ATXN7: variants seen among roughly 807,000 people sequenced by gnomAD.
ATXN7 encodes the protein ataxin-7.
A neutral mutation model predicts 70.5 loss-of-function variants in ATXN7; 12 were observed. The ratio of observed to expected loss-of-function variants is 0.17; its 90% CI spans 0.11 to 0.28. The LOEUF is 0.28. Among genes scored for constraint, ATXN7 ranks in the 10% least tolerant of loss-of-function variants. The pLI, the probability that ATXN7 is intolerant of heterozygous loss-of-function variation, is 1.00. For synonymous variants in ATXN7, 498 were observed against 448.7 expected (o/e 1.11, Z -1.39); for missense variants, 1,256 against 1,131.7 (o/e 1.11, Z -1.58).
At position 63,949,977 on chromosome 3, in the gene ATXN7, A is replaced by G. The variant is rs34959027; in HGVS notation, c.395-2402A>G. Among the ~76,000 whole-genome samples the G allele has an allele frequency of 4.9e-3, 739 of 152,350 alleles. 1 individual carries two copies. Among genetic ancestry groups the G allele is most frequent in the Non-Finnish European group, 7.9e-3 (536 of 68,022 alleles). On this transcript the variant is annotated intron_variant, in intron 4 of 12. Transcript: ENST00000674280. ...AAAAACCATGTAAGAACTGCTTGGC[A>G]TAGGACCTGGCACATAGTAGTCTCT...
At chr3:63,987,301 A>G (rs770792600) in intron 8 of ATXN7, among the ~76,000 whole-genome samples, 1 of 152,144 alleles carries the variant, frequency 6.6e-6, no homozygotes, top group Non-Finnish European at 1.5e-5. Context: ...CCATAATTTG[A>G]CTTTTCTTTT....
intron 2 of ATXN7, among the ~76,000 whole-genome samples, chr3:63,899,795 T>A (rs1192382048): frequency 6.6e-6 from 1 of 152,090 alleles, no homozygotes; most frequent in Non-Finnish European, 1.5e-5. Flanking sequence ...GTTTTTGTAT[T>A]TTTAGTAGAC....
At position 63,933,157 on chromosome 3, in the gene ATXN7, G is replaced by A. The variant is rs573741813; in HGVS notation, c.395-19222G>A. On this transcript the variant is annotated intron_variant, in intron 4 of 12. Coordinates refer to ENST00000674280, the MANE Select transcript of ATXN7 (RefSeq NM_001377405.1). ...GGCTCTACTAGTTTCAGGTGTCAGA[G>A]GTCTATCTAGATGACAGAGAAGTAT... is the stretch of plus-strand genomic sequence containing the variant. Among the ~76,000 whole-genome samples, 3 of 152,282 alleles carry A rather than the reference G, an allele frequency of 2.0e-5. No individual in the cohort carries two copies. The East Asian group carries it at 5.8e-4, about 29-fold the overall frequency.
At chr3:63,980,456 A>G (rs895028749) in intron 6 of ATXN7, 6 of 400,516 alleles carry the variant, frequency 1.5e-5, no homozygotes, top group African/African-American at 4.0e-5. Context: ...CAACAACCCT[A>G]TGGAATAGGT....
chr3:63,977,933 C>A (rs1180170929), intron 5 of ATXN7, among the ~76,000 whole-genome samples: 1 of 152,168 alleles, frequency 6.6e-6, no homozygotes, highest in Non-Finnish European at 1.5e-5. Flanking sequence ...AAATAGTTTG[C>A]AGTTGATGAA....
Position 63,890,584 on chromosome 3 carries a change from C to G in ATXN7, c.-110-7815C>G, listed in dbSNP as rs1322875902. Among the ~76,000 whole-genome samples, 4 of 152,234 alleles carry G rather than the reference C, an allele frequency of 2.6e-5. No homozygotes were observed. The East Asian group carries it at 7.7e-4, about 29-fold the overall frequency. On this transcript the variant is annotated intron_variant, in intron 1 of 12. Coordinates refer to ENST00000674280, the MANE Select transcript of ATXN7 (RefSeq NM_001377405.1). ...TGATTTTGTTATCTGTATGATTTTGCTACCTCGTAGAAGTAAATAAAATAA... is the reference window on the plus strand; with the variant it reads ...TGATTTTGTTATCTGTATGATTTTGGTACCTCGTAGAAGTAAATAAAATAA...
At chr3:63,893,354 T>C (rs2107251471) in intron 1 of ATXN7, among the ~76,000 whole-genome samples, 1 of 152,256 alleles carries the variant, frequency 6.6e-6, no homozygotes, top group Non-Finnish European at 1.5e-5. Flanking sequence ...TCACAAATAA[T>C]GGATAGAAAA....
intron 1 of ATXN7, among the ~76,000 whole-genome samples, chr3:63,882,569 T>G (rs916091346): frequency 2.4e-4 from 37 of 151,896 alleles, no homozygotes; most frequent in African/African-American, 9.0e-4. Context: ...TTATTTTTAG[T>G]AGAGACCGAT....
chr3:63,979,261 G>A (rs189970179), intron 5 of ATXN7, among the ~76,000 whole-genome samples: 1 of 152,302 alleles, frequency 6.6e-6, no homozygotes, highest in Admixed American at 6.5e-5. Flanking sequence ...TGCGCCTTTG[G>A]CATCTTAGCG....
chr3:63,864,271 C>T (rs1366362862), intron 1 of ATXN7, among the ~76,000 whole-genome samples, 113 bp downstream of exon 1: 1 of 151,356 alleles, frequency 6.6e-6, no homozygotes, highest in Non-Finnish European at 1.5e-5. Flanking sequence ...CCCGCCGCCC[C>T]ATCCAGGGTG....
chr3:63,939,048 G>C (rs17069500), intron 4 of ATXN7, among the ~76,000 whole-genome samples: 1 of 150,954 alleles, frequency 6.6e-6, no homozygotes, highest in East Asian at 2.0e-4. Flanking sequence ...GACTTGATTT[G>C]TAAGACATTT....
At chr3:63,950,937 C>G (rs1287256967) in intron 4 of ATXN7, among the ~76,000 whole-genome samples, 1 of 152,068 alleles carries the variant, frequency 6.6e-6, no homozygotes, top group Non-Finnish European at 1.5e-5. Flanking sequence ...ATCATTATTC[C>G]TCTGGTCTTC....
intron 4 of ATXN7, among the ~76,000 whole-genome samples, chr3:63,942,499 A>T (rs6799073): frequency 1 from 152,020 of 152,298 alleles, 75,871 homozygotes; most frequent in Middle Eastern, 1. Flanking sequence ...AGGGTTGTGA[A>T]TTTTGTTCAC....
At chr3:63,990,524 G>A in intron 10 of ATXN7, 150 bp downstream of exon 10, 1 of 1,164,352 alleles carries the variant, frequency 8.6e-7, no homozygotes, top group Non-Finnish European at 1.2e-6. Flanking sequence ...CCCAGAGGCA[G>A]CACACACTCT....
intron 2 of ATXN7, among the ~76,000 whole-genome samples, chr3:63,908,639 G>A (rs1349859828): frequency 6.6e-6 from 1 of 152,156 alleles, no homozygotes. Context: ...AATTGAAGAC[G>A]GTTGTGTGGG....
Position 63,970,762 on chromosome 3 carries a change from C to T in ATXN7, c.500-9153C>T, listed in dbSNP as rs748619804. On this transcript the variant is annotated intron_variant, in intron 5 of 12. Transcript: ENST00000674280. ...GTCCCTTCCCCCACTGGAGTGGAGT[C>T]GTTCTCCCTTGTAATCTGCCCTTTG... 8.2e-4 allele frequency among the ~76,000 whole-genome samples: 125 copies of T among 152,292 alleles called. 1 individual carries two copies. The highest frequency in any genetic ancestry group is 3.4e-3 in the Middle Eastern group (1 of 294).
chr3:63,929,346 C>A (rs1252982130), intron 4 of ATXN7, among the ~76,000 whole-genome samples: 4 of 150,158 alleles, frequency 2.7e-5, no homozygotes, highest in African/African-American at 9.8e-5. Flanking sequence ...CATCTCGGCT[C>A]ACTGCAACCT....
chr3:63,920,684 GA>G (rs1295306797), intron 4 of ATXN7, among the ~76,000 whole-genome samples: 1 of 151,896 alleles, frequency 6.6e-6, no homozygotes, highest in African/African-American at 2.4e-5. Context: ...TTTTTTCTTT[GA>G]GGGGGAGGGG....
intron 4 of ATXN7, among the ~76,000 whole-genome samples, chr3:63,941,975 T>C (rs2074776758): frequency 6.6e-6 from 1 of 152,252 alleles, no homozygotes; most frequent in African/African-American, 2.4e-5. Context: ...TAAAACCTGT[T>C]ACGTGGAGAC....
Sources: allele counts gnomAD v4.1 joint callset (sites outside exome capture counted in the v4.1 genomes callset), GRCh38; gene constraint gnomAD v4.1.1; transcripts MANE v1.5; gene names NCBI Gene and HGNC (gene_info 2026-07-23, HGNC 2026-07-21).